Variants in RANGAP1 observed in about 807,000 individuals in gnomAD.
RANGAP1 encodes Ran GTPase activating protein 1.
In RANGAP1, 38 loss-of-function variants were observed where a neutral mutation model predicts 63.5. That is an observed-to-expected ratio of 0.60 (90% CI 0.46 to 0.78). RANGAP1 has a LOEUF of 0.78. Ranked by LOEUF, RANGAP1 falls within the 30% of genes least tolerant of loss-of-function variation. RANGAP1 has a pLI of 0.00. For missense variants in RANGAP1, 630 were observed against 740.3 expected (o/e 0.85, Z 1.73); for synonymous variants, 329 against 310.5 (o/e 1.06, Z -0.63).
rs1021669335 is a variant in RANGAP1, at chr22:41,245,633, T to C, written c.*970A>G. 6.6e-6 allele frequency: 1 copy of C among 151,974 alleles called. No homozygotes were observed. Among genetic ancestry groups the C allele is most frequent in the South Asian group, 2.1e-4 (1 of 4,828 alleles). 9.4% of individuals were successfully genotyped at this position (151,974 alleles called of 1,614,324 possible). ...CTCTGAAGCTGCCACACGACTTTATTTGTGAAGCCCCCGGGCACAGCCCAG... is the reference window on the plus strand; with the variant it reads ...CTCTGAAGCTGCCACACGACTTTATCTGTGAAGCCCCCGGGCACAGCCCAG... On this transcript the variant is annotated 3_prime_UTR_variant, in exon 16 of 16. Coordinates refer to ENST00000356244, the MANE Select transcript of RANGAP1 (RefSeq NM_002883.4).
the RANGAP1 span, among the ~76,000 whole-genome samples, chr22:41,293,629 A>C: frequency 6.6e-6 from 1 of 151,580 alleles, no homozygotes; most frequent in African/African-American, 2.4e-5. Flanking sequence ...CTACAAAAAA[A>C]TTAGTTGAAT....
intron 6 of RANGAP1, 80 bp downstream of exon 6, chr22:41,261,366 G>A: frequency 6.3e-7 from 1 of 1,585,502 alleles, no homozygotes; most frequent in Non-Finnish European, 8.6e-7. Context: ...CCAGCCCTGG[G>A]ATTAGCATCC....
At chr22:41,271,363 G>C (rs1186164598) in intron 3 of RANGAP1, among the ~76,000 whole-genome samples, 1 of 149,762 alleles carries the variant, frequency 6.7e-6, no homozygotes, top group African/African-American at 2.5e-5. Flanking sequence ...ACTACAGCCT[G>C]GGCAATGGCG....
chr22:41,249,636 C>T (rs2033297147), intron 14 of RANGAP1, 93 bp downstream of exon 14: 14 of 1,534,594 alleles, frequency 9.1e-6, no homozygotes, highest in Admixed American at 1.7e-5. Context: ...GCTCAGGACT[C>T]GAGGTGAGGG....
intron 3 of RANGAP1, among the ~76,000 whole-genome samples, chr22:41,269,153 C>T (rs141218936): frequency 9.3e-4 from 142 of 152,238 alleles, no homozygotes; most frequent in Non-Finnish European, 1.6e-3. Context: ...AATCATAGCT[C>T]ACTGTAACCT....
rs754504580 is a variant in RANGAP1, at chr22:41,254,383, T to TTCC, written c.1182_1184dup (p.Glu397dup). The TTCC allele has an allele frequency of 1.5e-5, 25 of 1,613,614 alleles. No homozygotes were observed. The highest frequency in any genetic ancestry group is 3.3e-4 in the Middle Eastern group (2 of 6,084). ...CCTGCCCTCGCTGCTGAGGCTCTTCTTCCTCCTCCTCCTCCTCTTCTTCCT... is the reference window on the plus strand; with the variant it reads ...CCTGCCCTCGCTGCTGAGGCTCTTCTTCCTCCTCCTCCTCCTCCTCTTCTTCCT... On this transcript the variant is annotated inframe_insertion, in exon 11 of 16. Coordinates refer to ENST00000356244, the MANE Select transcript of RANGAP1 (RefSeq NM_002883.4).
intron 1 of RANGAP1, 77 bp downstream of exon 1, chr22:41,285,909 A>C: frequency 6.3e-6 from 1 of 159,674 alleles, no homozygotes; most frequent in Non-Finnish European, 1.3e-5. Flanking sequence ...GAAGGCGCAC[A>C]CGGGCGCCAC....
rs1436263694 is a variant in RANGAP1, at chr22:41,257,184, G to A, written c.775-360C>T. ...CTTAGCCAAAATGTGATCTCTTCCA[G>A]GAAGCCTGCCCTAAGTCTGATTTGA... On this transcript the variant is annotated intron_variant, in intron 7 of 15. Coordinates refer to ENST00000356244, the MANE Select transcript of RANGAP1 (RefSeq NM_002883.4). This position sits in a 1 kb window ranked among gnomAD's most constrained non-coding sequence, Gnocchi z 4.0. Among the ~76,000 whole-genome samples, 3 of 152,112 alleles carry A rather than the reference G, an allele frequency of 2.0e-5. No homozygotes were observed. The highest frequency in any genetic ancestry group is 7.2e-5 in the African/African-American group (3 of 41,406).
chr22:41,252,808 C>CT (rs1350354137), intron 12 of RANGAP1, 64 bp downstream of exon 12: 1 of 1,457,892 alleles, frequency 6.9e-7, no homozygotes, highest in Non-Finnish European at 9.1e-7. Context: ...CTGTTCGTCC[C>CT]TTTTCTCTAA....
chr22:41,298,777 G>C, the RANGAP1 span, among the ~76,000 whole-genome samples: 1 of 152,114 alleles, frequency 6.6e-6, no homozygotes, highest in East Asian at 1.9e-4. Flanking sequence ...GGGATTTTGG[G>C]TGTACCCCAT....
intron 11 of RANGAP1, among the ~76,000 whole-genome samples, chr22:41,253,729 A>T (rs2033627732): frequency 1.3e-5 from 2 of 152,250 alleles, no homozygotes; most frequent in African/African-American, 4.8e-5. Flanking sequence ...TTCTTTCAGA[A>T]ACCCTTATGC....
chr22:41,300,966 A>G, the RANGAP1 span, among the ~76,000 whole-genome samples: 4 of 152,138 alleles, frequency 2.6e-5, no homozygotes, highest in Non-Finnish European at 4.4e-5. Context: ...CCAGTTGCCC[A>G]TGCTGATTTC....
intron 6 of RANGAP1, among the ~76,000 whole-genome samples, chr22:41,259,753 AG>A (rs2034054325): frequency 6.6e-6 from 1 of 152,242 alleles, no homozygotes; most frequent in Non-Finnish European, 1.5e-5. Context: ...CTATAATCCC[AG>A]CACTTTAGGA....
In RANGAP1 at chr22:41,256,757, G is replaced by A; in HGVS notation, c.842C>T (p.Ala281Val). The change falls in exon 8 of 16, where the codon GCA becomes GTA. Residue 281 changes from alanine (A) to valine (V), a missense_variant. Coordinates refer to ENST00000356244, the MANE Select transcript of RANGAP1 (RefSeq NM_002883.4). ...FGDCLVRSKGAVAIADAIRGG... is the reference protein window; with the variant it reads ...FGDCLVRSKGVVAIADAIRGG... ...GCGGATGGCATCTGCAATGGCAACT[G>A]CACCCTTGGAGCGCACCAGGCAGTC... 3 of 1,614,106 alleles carry A rather than the reference G, an allele frequency of 1.9e-6. No homozygotes were observed. The highest frequency in any genetic ancestry group is 1.7e-6 in the Non-Finnish European group (2 of 1,180,038).
At chr22:41,253,328 G>A (rs1243627109) in intron 11 of RANGAP1, among the ~76,000 whole-genome samples, 7 of 152,204 alleles carry the variant, frequency 4.6e-5, no homozygotes, top group Non-Finnish European at 7.3e-5. Flanking sequence ...GTGGGTCCCC[G>A]TAGAACTACA....
upstream of RANGAP1, among the ~76,000 whole-genome samples, chr22:41,289,479 T>A (rs1344247739): frequency 6.6e-6 from 1 of 151,738 alleles, no homozygotes; most frequent in South Asian, 2.1e-4. Flanking sequence ...AAAAATTAGC[T>A]GGGCATGGTG....
chr22:41,274,526 C>A, intron 3 of RANGAP1, 74 bp downstream of exon 3: 1 of 1,584,820 alleles, frequency 6.3e-7, no homozygotes, highest in Non-Finnish European at 8.6e-7. Flanking sequence ...AGACTGGACA[C>A]AGGCAGGGGT....
At chr22:41,270,622 A>G (rs1014911580) in intron 3 of RANGAP1, among the ~76,000 whole-genome samples, 4 of 152,136 alleles carry the variant, frequency 2.6e-5, no homozygotes, top group African/African-American at 9.7e-5. Context: ...TAATTTTTGT[A>G]TCTTTTGTAG....
At chr22:41,253,414 G>A (rs1173187501) in intron 11 of RANGAP1, among the ~76,000 whole-genome samples, 1 of 152,256 alleles carries the variant, frequency 6.6e-6, no homozygotes, top group African/African-American at 2.4e-5. Flanking sequence ...CTAGCCATTT[G>A]TTTAATTGAT....
Sources: allele counts gnomAD v4.1 joint callset (sites outside exome capture counted in the v4.1 genomes callset), GRCh38; gene constraint gnomAD v4.1.1; non-coding constraint Gnocchi (gnomAD v3.1); transcripts MANE v1.5; gene names NCBI Gene and HGNC (gene_info 2026-07-23, HGNC 2026-07-21).